The following ARMCX5 variants were observed in gnomAD, a reference collection of about 807,000 sequenced individuals.
ARMCX5 encodes the protein armadillo repeat containing X-linked 5.
Under a neutral mutation model 7.5 loss-of-function variants are expected in ARMCX5, and 1 was observed. The ratio of observed to expected loss-of-function variants is 0.13; its 90% CI spans 0.05 to 0.63. ARMCX5 has a LOEUF of 0.63. Among genes scored for constraint, ARMCX5 ranks in the 30% least tolerant of loss-of-function variants. The pLI, the probability that ARMCX5 is intolerant of heterozygous loss-of-function variation, is 0.86. For missense variants in ARMCX5, 346 were observed against 402.2 expected (o/e 0.86, Z 1.19); for synonymous variants, 149 against 145.7 (o/e 1.02, Z -0.16).
At position 102,599,792 on chromosome X, in the gene ARMCX5, A is replaced by T. The variant is rs2081005916; in HGVS notation, c.-477A>T. The T allele has an allele frequency of 9.5e-6, 1 of 105,720 alleles. No homozygotes were observed. Among genetic ancestry groups the T allele is most frequent in the African/African-American group, 3.5e-5 (1 of 28,807 alleles). The allele number at this position is 105,720 out of a possible 1,213,427, so 8.7% of individuals were successfully genotyped here. Reference sequence around the variant, plus strand: ...GACTGTCTGTTCCTGCTGCTGTATGACACAGCACCTCGAGGCAAGGAAATA... The same window carrying T: ...GACTGTCTGTTCCTGCTGCTGTATGTCACAGCACCTCGAGGCAAGGAAATA... On this transcript the variant is annotated 5_prime_UTR_variant, in exon 1 of 4. Coordinates refer to ENST00000473968, the MANE Select transcript of ARMCX5 (RefSeq NM_001168478.2).
chrX:102,603,219 T>C lies in ARMCX5; in HGVS notation c.1078T>C (p.Leu360=), dbSNP rs1270561301. Residue 360 remains leucine, a synonymous_variant, in exon 4 of 4, where the codon TTG becomes CTG. Coordinates refer to ENST00000473968, the MANE Select transcript of ARMCX5 (RefSeq NM_001168478.2). The part of the protein sequence containing the change: ...DVGITVMIEN[L]VNNPNVKEHP... ...AGGTATTACTGTTATGATTGAAAAC[T>C]TGGTCAATAATCCCAATGTTAAAGA... 1.7e-6 allele frequency: 2 copies of C among 1,208,063 alleles called. No individual in the cohort carries two copies. The highest frequency in any genetic ancestry group is 4.4e-5 in the Admixed American group (2 of 45,731).
At position 102,602,383 on chromosome X, in the gene ARMCX5, A is replaced by T; in HGVS notation, c.242A>T (p.Glu81Val). The change falls in exon 4 of 4, where the codon GAA becomes GTA. Residue 81 changes from glutamate (E) to valine (V), a missense_variant. Glu to Val is a moderately radical substitution (Grantham distance 121). Transcript: ENST00000473968. ...GTGACAAGGGAAGTGATCAAGGTGGAAGATACAACTAAGACTAGAGTCATG... is the reference window on the plus strand; with the variant it reads ...GTGACAAGGGAAGTGATCAAGGTGGTAGATACAACTAAGACTAGAGTCATG... ...MAVTREVIKV[E>V]DTTKTRVMVE... 1 of 1,211,711 alleles carries T rather than the reference A, an allele frequency of 8.3e-7. No homozygotes were observed. Among genetic ancestry groups the T allele is most frequent in the Non-Finnish European group, 1.1e-6 (1 of 895,241 alleles).
intron 1 of ARMCX5, chrX:102,600,341 T>G (rs1007700710): frequency 6.3e-5 from 7 of 110,657 alleles, no homozygotes; most frequent in African/African-American, 2.0e-4. Context: ...CACTCCATGT[T>G]TCTGTAAAGA....
chrX:102,601,947 G>T lies in ARMCX5; in HGVS notation c.-195G>T, dbSNP rs886860024. 2.7e-5 allele frequency: 12 copies of T among 440,353 alleles called. No homozygotes were observed. The highest frequency in any genetic ancestry group is 4.7e-5 in the Non-Finnish European group (12 of 254,609). 36.3% of individuals were successfully genotyped at this position (440,353 alleles called of 1,213,427 possible). ...AGACCACCACCCTCCACAGGGCTGGGCCCATGCACAGCCATCCTTCCCTAC... is the reference window on the plus strand; with the variant it reads ...AGACCACCACCCTCCACAGGGCTGGTCCCATGCACAGCCATCCTTCCCTAC... On this transcript the variant is annotated 5_prime_UTR_variant, in exon 4 of 4. Coordinates refer to ENST00000473968, the MANE Select transcript of ARMCX5 (RefSeq NM_001168478.2).
chrX:102,602,626 C>T lies in ARMCX5; in HGVS notation c.485C>T (p.Ser162Phe), dbSNP rs923659718. The T allele has an allele frequency of 2.5e-6, 3 of 1,208,277 alleles. No individual in the cohort carries two copies. The African/African-American group carries it at 5.3e-5, about 21-fold the overall frequency. Residue 162 changes from serine to phenylalanine, a missense_variant, in exon 4 of 4, where the codon TCC (serine) becomes TTC (phenylalanine). Ser to Phe is a radical substitution (Grantham distance 155). Transcript: ENST00000473968. ...GAAGAGACCAGCATTGGGATGAAAT[C>T]CAGTGATGAGGATGAAGAAAATATA... The part of the protein sequence containing the change: ...RREETSIGMK[S>F]SDEDEENICS...
At position 102,603,762 on chromosome X, in the gene ARMCX5, G is replaced by C; in HGVS notation, c.1621G>C (p.Glu541Gln). 1 of 1,199,064 alleles carries C rather than the reference G, an allele frequency of 8.3e-7. No homozygotes were observed. The highest frequency in any genetic ancestry group is 1.1e-6 in the Non-Finnish European group (1 of 890,515). ...QFGQKLQDLA[E>Q]HSDPEVRDKV... Reference sequence around the variant, plus strand: ...TGGTCAGAAACTCCAAGACTTAGCAGAGCACAGTGATCCCGAAGTGAGAGA... The same window carrying C: ...TGGTCAGAAACTCCAAGACTTAGCACAGCACAGTGATCCCGAAGTGAGAGA... Residue 541 changes from glutamate to glutamine, a missense_variant, in exon 4 of 4, where the codon GAG (glutamate) becomes CAG (glutamine). Glu to Gln is a conservative substitution (Grantham distance 29). Coordinates refer to ENST00000473968, the MANE Select transcript of ARMCX5 (RefSeq NM_001168478.2).
Position 102,602,045 on chromosome X carries a change from T to C in ARMCX5, c.-97T>C. 3 of 695,145 alleles carry C rather than the reference T, an allele frequency of 4.3e-6. No homozygotes were observed. The East Asian group carries it at 9.6e-5, about 22-fold the overall frequency. The allele number at this position is 695,145 out of a possible 1,213,427, so 57.3% of individuals were successfully genotyped here. On this transcript the variant is annotated 5_prime_UTR_variant, in exon 4 of 4. Coordinates refer to ENST00000473968, the MANE Select transcript of ARMCX5 (RefSeq NM_001168478.2). The stretch of plus-strand genomic sequence containing the variant: ...GTAGTTGGAAAGGGGACAGAGTGAC[T>C]ACTGGACTTTGTGTGAAAACACCAA...
In ARMCX5 at chrX:102,602,563, A is replaced by G. The variant is rs2081053845; in HGVS notation, c.422A>G (p.His141Arg). The G allele has an allele frequency of 1.7e-6, 2 of 1,209,758 alleles. No individual in the cohort carries two copies. The highest frequency in any genetic ancestry group is 1.8e-5 in the African/African-American group (1 of 57,052). The change falls in exon 4 of 4, where the codon CAT (histidine) becomes CGT (arginine). Residue 141 changes from histidine (H) to arginine (R), a missense_variant. Coordinates refer to ENST00000473968, the MANE Select transcript of ARMCX5 (RefSeq NM_001168478.2). ...AATATTAGGTCCTATGCCAAGTCAC[A>G]TGATAAGGCCAATACTGGGTCCAGA... Reference protein sequence around the residue: ...EANIRSYAKSHDKANTGSRPD... With the variant: ...EANIRSYAKSRDKANTGSRPD...
At position 102,602,695 on chromosome X, in the gene ARMCX5, G is replaced by C; in HGVS notation, c.554G>C (p.Trp185Ser). The C allele has an allele frequency of 8.3e-7, 1 of 1,211,107 alleles. No individual in the cohort carries two copies. The highest frequency in any genetic ancestry group is 1.1e-6 in the Non-Finnish European group (1 of 895,051). Reference protein sequence around the residue: ...WTGEEPSVGSWFWPEEETSLQ... With the variant: ...WTGEEPSVGSSFWPEEETSLQ... The stretch of plus-strand genomic sequence containing the variant: ...GGAGAAGAGCCTAGTGTAGGGTCCT[G>C]GTTCTGGCCTGAAGAAGAGACCTCT... Residue 185 changes from tryptophan to serine, a missense_variant, in exon 4 of 4, where the codon TGG becomes TCG. Physicochemically the swap from Trp to Ser is radical, Grantham distance 177 (BLOSUM62 -3). This residue lies in a region of ARMCX5 where 204 missense variants were observed against 244.3 expected (regional missense o/e 0.83). Transcript: ENST00000473968.
At chrX:102,600,081 A>G (rs894406946) in intron 1 of ARMCX5, 2 of 104,786 alleles carry the variant, frequency 1.9e-5, no homozygotes, top group African/African-American at 3.5e-5. Context: ...TAGCAGGGAA[A>G]AGGCAGACTA....
In ARMCX5 at chrX:102,603,823, C is replaced by T. The variant is rs2081073586; in HGVS notation, c.*5C>T. ...CGATTAATACTAAAACTCTGAATACCCCTCTGTTCTCATAAAGCCTCAAAC... is the reference window on the plus strand; with the variant it reads ...CGATTAATACTAAAACTCTGAATACTCCTCTGTTCTCATAAAGCCTCAAAC... On this transcript the variant is annotated 3_prime_UTR_variant, in exon 4 of 4. Coordinates refer to ENST00000473968, the MANE Select transcript of ARMCX5 (RefSeq NM_001168478.2). 1 of 1,064,497 alleles carries T rather than the reference C, an allele frequency of 9.4e-7. No homozygotes were observed. The highest frequency in any genetic ancestry group is 1.9e-5 in the African/African-American group (1 of 53,362). 87.7% of individuals were successfully genotyped at this position (1,064,497 alleles called of 1,213,427 possible). A position where few individuals can be genotyped will look rare whatever the true frequency, so the allele number is the denominator to read the frequency against.
Position 102,602,079 on chromosome X carries a change from A to C in ARMCX5, c.-63A>C, listed in dbSNP as rs2081047053. The C allele has an allele frequency of 3.9e-6, 4 of 1,027,612 alleles. No individual in the cohort carries two copies. The highest frequency in any genetic ancestry group is 5.3e-6 in the Non-Finnish European group (4 of 752,525). 84.7% of individuals were successfully genotyped at this position (1,027,612 alleles called of 1,213,427 possible). On this transcript the variant is annotated 5_prime_UTR_variant, in exon 4 of 4. Coordinates refer to ENST00000473968, the MANE Select transcript of ARMCX5 (RefSeq NM_001168478.2). ...TTGTGTGAAAACACCAACCGGGACAAAACTTCAGTCAAGGCTGAGACGGGT... is the reference window on the plus strand; with the variant it reads ...TTGTGTGAAAACACCAACCGGGACACAACTTCAGTCAAGGCTGAGACGGGT...
chrX:102,600,310 A>C (rs1325742175), intron 1 of ARMCX5: 2 of 110,387 alleles, frequency 1.8e-5, no homozygotes, highest in Non-Finnish European at 1.9e-5. Flanking sequence ...TTTATGTGTA[A>C]ATCTGTTCCT....
rs2081064258 is a variant in ARMCX5 at position 102,603,218 on chromosome X, C to T, written c.1077C>T (p.Asn359=). 2.5e-6 allele frequency: 3 copies of T among 1,209,233 alleles called. No individual in the cohort carries two copies. The highest frequency in any genetic ancestry group is 2.2e-5 in the Admixed American group (1 of 45,979). Reference sequence around the variant, plus strand: ...TAGGTATTACTGTTATGATTGAAAACTTGGTCAATAATCCCAATGTTAAAG... The same window carrying T: ...TAGGTATTACTGTTATGATTGAAAATTTGGTCAATAATCCCAATGTTAAAG... The part of the protein sequence containing the change: ...HDVGITVMIE[N]LVNNPNVKEH... The change falls in exon 4 of 4, where the codon AAC becomes AAT. Residue 359 remains asparagine, a synonymous_variant. Transcript: ENST00000473968.
Position 102,602,613 on chromosome X carries a change from A to C in ARMCX5, c.472A>C (p.Ile158Leu). 3 of 1,210,231 alleles carry C rather than the reference A, an allele frequency of 2.5e-6. No homozygotes were observed. The highest frequency in any genetic ancestry group is 3.4e-6 in the Non-Finnish European group (3 of 894,142). Residue 158 changes from isoleucine (I) to leucine (L), a missense_variant, in exon 4 of 4, where the codon ATT becomes CTT. Ile to Leu is a conservative substitution (Grantham distance 5, BLOSUM62 2). Transcript: ENST00000473968. ...ACCTGACAGAAGGGAAGAGACCAGC[A>C]TTGGGATGAAATCCAGTGATGAGGA... ...SRPDRREETS[I>L]GMKSSDEDEE...
Position 102,603,275 on chromosome X carries a change from C to G in ARMCX5, c.1134C>G (p.Asp378Glu), listed in dbSNP as rs200145435. 9.8e-5 allele frequency: 119 copies of G among 1,209,380 alleles called. No individual in the cohort carries two copies. The highest frequency in any genetic ancestry group is 1.3e-4 in the Non-Finnish European group (118 of 895,025). ...EHPGALSMVD[D>E]SSESSEEPKS... The stretch of plus-strand genomic sequence containing the variant: ...CTGGAGCTTTAAGTATGGTGGATGA[C>G]AGCTCTGAGTCTTCCGAAGAACCAA... Residue 378 changes from aspartate to glutamate, a missense_variant, in exon 4 of 4, where the codon GAC becomes GAG. By Grantham distance (45) the Asp-to-Glu change is conservative. This residue lies in a region of ARMCX5 where 139 missense variants were observed against 141.1 expected (regional missense o/e 0.99). Transcript: ENST00000473968.
Position 102,601,950 on chromosome X carries a change from C to A in ARMCX5, c.-192C>A, listed in dbSNP as rs1355391271. 37 of 442,872 alleles carry A rather than the reference C, an allele frequency of 8.4e-5. No homozygotes were observed. The highest frequency in any genetic ancestry group is 7.8e-5 in the Non-Finnish European group (20 of 256,004). The allele number at this position is 442,872 out of a possible 1,213,427, so 36.5% of individuals were successfully genotyped here. A position where few individuals can be genotyped will look rare whatever the true frequency, so the allele number is the denominator to read the frequency against. On this transcript the variant is annotated 5_prime_UTR_variant, in exon 4 of 4. Transcript: ENST00000473968. ...CCACCACCCTCCACAGGGCTGGGCC[C>A]ATGCACAGCCATCCTTCCCTACCTT... is the stretch of plus-strand genomic sequence containing the variant.
rs1264512610 is a variant in ARMCX5 at position 102,599,795 on chromosome X, C to T, written c.-474C>T. 9.5e-6 allele frequency: 1 copy of T among 105,727 alleles called. No homozygotes were observed. Among genetic ancestry groups the T allele is most frequent in the Non-Finnish European group, 1.9e-5 (1 of 51,771 alleles). The allele number at this position is 105,727 out of a possible 1,213,427, so 8.7% of individuals were successfully genotyped here. ...TGTCTGTTCCTGCTGCTGTATGACA[C>T]AGCACCTCGAGGCAAGGAAATAAGA... On this transcript the variant is annotated 5_prime_UTR_variant, in exon 1 of 4. It introduces an in-frame stop codon into an upstream open reading frame of the 5' UTR. Coordinates refer to ENST00000473968, the MANE Select transcript of ARMCX5 (RefSeq NM_001168478.2).
Position 102,603,949 on chromosome X carries a change from A to G in ARMCX5, c.*131A>G. On this transcript the variant is annotated 3_prime_UTR_variant, in exon 4 of 4. Coordinates refer to ENST00000473968, the MANE Select transcript of ARMCX5 (RefSeq NM_001168478.2). ...TGAGGGAGGCAATTTTATGGATACC[A>G]ATTAATCTTGAGATCCTGAACATGT... is the stretch of plus-strand genomic sequence containing the variant. 4.3e-6 allele frequency: 2 copies of G among 466,068 alleles called. No homozygotes were observed. Among genetic ancestry groups the G allele is most frequent in the Non-Finnish European group, 3.7e-6 (1 of 266,740 alleles). The allele number at this position is 466,068 out of a possible 1,213,427, so 38.4% of individuals were successfully genotyped here. A position where few individuals can be genotyped will look rare whatever the true frequency, so the allele number is the denominator to read the frequency against.
Sources: allele counts gnomAD v4.1 joint callset, GRCh38; gene constraint gnomAD v4.1.1; regional missense constraint gnomAD v4.1.1; transcripts MANE v1.5; gene names NCBI Gene and HGNC (gene_info 2026-07-23, HGNC 2026-07-21).